Variants in HDAC4 observed in about 807,000 individuals in gnomAD.
HDAC4 encodes the protein histone deacetylase 4, also known as histone deacetylase A.
In HDAC4, 16 loss-of-function variants were observed where a neutral mutation model predicts 135.1. The ratio of observed to expected loss-of-function variants is 0.12; its 90% CI spans 0.08 to 0.18. HDAC4 has a LOEUF of 0.18. HDAC4 is among the 10% of genes least tolerant of loss of function. The probability of loss-of-function intolerance (pLI) is 1.00; values close to 1 mark genes in which losing one functional copy is unlikely to be tolerated. For missense variants in HDAC4, 1,143 were observed against 1,511.8 expected (o/e 0.76, Z 4.05); for synonymous variants, 685 against 653.4 (o/e 1.05, Z -0.74).
chr2:239,078,203 C>T (rs530207346), intron 22 of HDAC4, among the ~76,000 whole-genome samples: 113 of 152,334 alleles, frequency 7.4e-4, no homozygotes, highest in African/African-American at 2.5e-3. Context: ...CCGCGTCTGG[C>T]ACCGGGACTG....
At chr2:239,136,591 G>C (rs1018198132) in intron 9 of HDAC4, among the ~76,000 whole-genome samples, 5 of 152,200 alleles carry the variant, frequency 3.3e-5, no homozygotes, top group Non-Finnish European at 7.4e-5. Flanking sequence ...AGAATCACCA[G>C]AGTGAAGAGA....
intron 2 of HDAC4, among the ~76,000 whole-genome samples, chr2:239,329,453 G>A (rs576062447): frequency 6.6e-6 from 1 of 151,512 alleles, no homozygotes; most frequent in East Asian, 2.0e-4. Flanking sequence ...GAGGGCAGGG[G>A]CCACGTCGGG....
chr2:239,190,216 C>A (rs2044839237), intron 3 of HDAC4, 139 bp from the exon 4 acceptor site: 2 of 1,150,574 alleles, frequency 1.7e-6, no homozygotes, highest in Non-Finnish European at 2.4e-6. Flanking sequence ...ATACCCCTCT[C>A]CCCCTGTCCC....
At chr2:239,203,376 G>A (rs189609433) in intron 3 of HDAC4, among the ~76,000 whole-genome samples, 6 of 152,346 alleles carry the variant, frequency 3.9e-5, no homozygotes, top group South Asian at 2.1e-4. Flanking sequence ...ACGTTTGACC[G>A]TGCTCAGATT....
At chr2:239,241,430 T>G (rs1046748756) in intron 2 of HDAC4, among the ~76,000 whole-genome samples, 1 of 152,236 alleles carries the variant, frequency 6.6e-6, no homozygotes, top group Non-Finnish European at 1.5e-5. Flanking sequence ...GCTTTTTCAC[T>G]GGCTGTTTTG....
chr2:239,208,846 C>T (rs548012719), intron 3 of HDAC4, among the ~76,000 whole-genome samples: 127 of 152,228 alleles, frequency 8.3e-4, no homozygotes, highest in East Asian at 6.6e-3. Context: ...AAAATGAGAA[C>T]GACCTTTATG....
intron 8 of HDAC4, among the ~76,000 whole-genome samples, chr2:239,143,992 T>C (rs1382014936): frequency 6.6e-6 from 1 of 152,174 alleles, no homozygotes; most frequent in African/African-American, 2.4e-5. Context: ...GATGGGGATG[T>C]ACCCTCAAGA....
At chr2:239,123,920 C>T (rs1410640654) in intron 12 of HDAC4, among the ~76,000 whole-genome samples, 1 of 151,952 alleles carries the variant, frequency 6.6e-6, no homozygotes, top group African/African-American at 2.4e-5. Context: ...CCCAATTTTT[C>T]ACCCTCAGGA....
chr2:239,263,109 C>A (rs926854472), intron 2 of HDAC4, among the ~76,000 whole-genome samples: 1 of 152,216 alleles, frequency 6.6e-6, no homozygotes, highest in Non-Finnish European at 1.5e-5. Flanking sequence ...CACATACACA[C>A]CACTGCAATT....
Position 239,064,293 on chromosome 2 carries a change from AT to A in HDAC4, c.3003+2428del, listed in dbSNP as rs1458523377. 5.3e-5 allele frequency among the ~76,000 whole-genome samples: 8 copies of A among 152,080 alleles called. No homozygotes were observed. In the East Asian group the frequency reaches 1.5e-3, roughly 29 times the overall value. ...CAGAGTGAATCTTTCAAAATTTAGGATTACAGTGCTGGCCTTTCTGGGAAAG... is the reference window on the plus strand; with the variant it reads ...CAGAGTGAATCTTTCAAAATTTAGGATACAGTGCTGGCCTTTCTGGGAAAG... On this transcript the variant is annotated intron_variant, in intron 24 of 26. Coordinates refer to ENST00000543185, the MANE Select transcript of HDAC4 (RefSeq NM_001378414.1).
chr2:239,076,625 G>A (rs1338228649), intron 22 of HDAC4, among the ~76,000 whole-genome samples: 2 of 152,160 alleles, frequency 1.3e-5, no homozygotes, highest in East Asian at 1.9e-4. Flanking sequence ...TGGGGACTCC[G>A]TGGGAACTGG....
At chr2:239,389,091 T>C (rs900716260) in intron 1 of HDAC4, among the ~76,000 whole-genome samples, 3 of 152,156 alleles carry the variant, frequency 2.0e-5, no homozygotes, top group Admixed American at 1.3e-4. Flanking sequence ...GGATTGTAAA[T>C]GCACCAATCA....
In HDAC4 at chr2:239,400,736, C is replaced by A. The variant is rs1349576477; in HGVS notation, c.-220+242G>T. ...CGGCTCTAGCCCTGCTCCGGCGCTC[C>A]GCGCCGCATCTCCTCAGCCTGCGCC... On this transcript the variant is annotated intron_variant, in intron 1 of 26. Transcript: ENST00000543185. This position sits in a 1 kb window ranked among gnomAD's most constrained non-coding sequence, Gnocchi z 4.7. 1 of 145,232 alleles carries A rather than the reference C, an allele frequency of 6.9e-6. No homozygotes were observed. Among genetic ancestry groups the A allele is most frequent in the Non-Finnish European group, 1.5e-5 (1 of 65,400 alleles). The allele number at this position is 145,232 out of a possible 1,614,324, so 9.0% of individuals were successfully genotyped here. A position where few individuals can be genotyped will look rare whatever the true frequency, so the allele number is the denominator to read the frequency against.
rs745970857 is a variant in HDAC4 at position 239,111,644 on chromosome 2, G to A, written c.1860C>T (p.Ala620=). Residue 620 remains alanine (A), a synonymous_variant, in exon 14 of 27, where the codon GCC becomes GCT. Transcript: ENST00000543185. ...LRNYQASMEA[A]GIPVSFGGHR... ...GGCCGCCGAAGGACACGGGGATGCCGGCGGCCTCCATGGACGCCTGGTAGT... is the reference window on the plus strand; with the variant it reads ...GGCCGCCGAAGGACACGGGGATGCCAGCGGCCTCCATGGACGCCTGGTAGT... 1.0e-5 allele frequency: 16 copies of A among 1,607,910 alleles called. No individual in the cohort carries two copies. Among genetic ancestry groups the A allele is most frequent in the East Asian group, 2.2e-5 (1 of 44,632 alleles).
intron 2 of HDAC4, among the ~76,000 whole-genome samples, chr2:239,258,014 G>A (rs1255682179): frequency 6.6e-6 from 1 of 152,184 alleles, no homozygotes; most frequent in African/African-American, 2.4e-5. Flanking sequence ...TAAAAGAGTT[G>A]AATGCAATTT....
At position 239,068,483 on chromosome 2, in the gene HDAC4, A is replaced by T. The variant is rs1233522589; in HGVS notation, c.2869+6T>A. The T allele has an allele frequency of 6.3e-7, 1 of 1,598,884 alleles. No homozygotes were observed. The highest frequency in any genetic ancestry group is 1.3e-5 in the African/African-American group (1 of 74,742). On this transcript the variant is annotated splice_donor_region_variant and intron_variant, in intron 23 of 26. Coordinates refer to ENST00000543185, the MANE Select transcript of HDAC4 (RefSeq NM_001378414.1). The surrounding 1 kb of genome is among the most constrained non-coding windows in gnomAD (Gnocchi z 4.4). ...CGGCTCCTCAGTCATATGCAGAACC[A>T]CTTACATCTGGCGGAGAGGTTGTAG...
At chr2:239,268,263 C>T (rs181440136) in intron 2 of HDAC4, among the ~76,000 whole-genome samples, 3 of 152,060 alleles carry the variant, frequency 2.0e-5, no homozygotes, top group Admixed American at 6.5e-5. Context: ...GTGGCCAGGA[C>T]GGTGGCCCTG....
chr2:239,059,200 T>C (rs1165954559), intron 24 of HDAC4, among the ~76,000 whole-genome samples: 3 of 152,230 alleles, frequency 2.0e-5, no homozygotes, highest in Non-Finnish European at 4.4e-5. Flanking sequence ...GGATGCCATG[T>C]TGGAGCCATT....
intron 12 of HDAC4, among the ~76,000 whole-genome samples, chr2:239,119,284 C>T (rs191867556): frequency 5.2e-4 from 79 of 152,258 alleles, no homozygotes; most frequent in South Asian, 4.8e-3. Context: ...TGGCACAGAG[C>T]GCTGAGGACA....
Sources: allele counts gnomAD v4.1 joint callset (sites outside exome capture counted in the v4.1 genomes callset), GRCh38; gene constraint gnomAD v4.1.1; non-coding constraint Gnocchi (gnomAD v3.1); transcripts MANE v1.5; gene names NCBI Gene and HGNC (gene_info 2026-07-23, HGNC 2026-07-21).